Variants in GBE1 observed in about 807,000 individuals in gnomAD.
The protein encoded by GBE1 is 1,4-alpha-glucan branching enzyme 1.
GBE1 carries 70 observed loss-of-function variants against 88.8 expected under a neutral mutation model. The observed-to-expected ratio is 0.79, with a 90% confidence interval of 0.65 to 0.96. GBE1 has a LOEUF of 0.96. Ranked by LOEUF, GBE1 falls within the 40% of genes least tolerant of loss-of-function variation. The pLI is 0.00. For missense variants in GBE1, 872 were observed against 871.0 expected, an observed-to-expected ratio of 1.00 and a Z score of -0.01; for synonymous variants, 284 against 300.1, an observed-to-expected ratio of 0.95 and a Z score of 0.56.
At chr3:81,547,114 T>G (rs1703215680) in intron 12 of GBE1, among the ~76,000 whole-genome samples, 1 of 151,508 alleles carries the variant, frequency 6.6e-6, no homozygotes, top group Non-Finnish European at 1.5e-5. Context: ...TTTCGGCACG[T>G]GGGGTGCATA....
At chr3:81,497,008 C>G (rs1576120076) in intron 15 of GBE1, among the ~76,000 whole-genome samples, 1 of 152,276 alleles carries the variant, frequency 6.6e-6, no homozygotes, top group Middle Eastern at 3.4e-3. Flanking sequence ...CATGTCCTTG[C>G]AGTGCTGTCC....
chr3:81,570,781 C>G (rs143971463), intron 12 of GBE1, among the ~76,000 whole-genome samples: 379 of 152,192 alleles, frequency 2.5e-3, no homozygotes, highest in Non-Finnish European at 3.8e-3. Context: ...AATTGGAACA[C>G]CACTAGTTCT....
At chr3:81,493,277 C>G (rs375078834) in intron 15 of GBE1, among the ~76,000 whole-genome samples, 20 of 152,040 alleles carry the variant, frequency 1.3e-4, no homozygotes, top group African/African-American at 4.3e-4. Flanking sequence ...CTGATAAGTC[C>G]AAGGTTCCTG....
intron 3 of GBE1, among the ~76,000 whole-genome samples, chr3:81,666,810 A>G (rs1705119466): frequency 6.6e-6 from 1 of 152,212 alleles, no homozygotes; most frequent in South Asian, 2.1e-4. Flanking sequence ...ACTCTAAATT[A>G]TGTGTTTATT....
intron 12 of GBE1, among the ~76,000 whole-genome samples, chr3:81,537,591 C>G (rs35259664): frequency 0.22 from 33,440 of 151,836 alleles, 3,969 homozygotes; most frequent in East Asian, 0.41. Context: ...GAGACTTGCC[C>G]AACTTCACAT....
At chr3:81,707,276 C>T (rs911486609) in intron 1 of GBE1, among the ~76,000 whole-genome samples, 1 of 151,878 alleles carries the variant, frequency 6.6e-6, no homozygotes, top group African/African-American at 2.4e-5. Context: ...AAGCCAACTC[C>T]ACACAATTCT....
intron 7 of GBE1, among the ~76,000 whole-genome samples, chr3:81,599,388 C>A (rs748015633): frequency 1.1e-4 from 17 of 151,768 alleles, no homozygotes; most frequent in African/African-American, 4.1e-4. Context: ...GGCTATTAGT[C>A]GGATAGGATG....
intron 7 of GBE1, among the ~76,000 whole-genome samples, chr3:81,594,939 C>T (rs970878351): frequency 1.3e-5 from 2 of 151,798 alleles, no homozygotes; most frequent in African/African-American, 4.8e-5. Flanking sequence ...GTACACAAAT[C>T]TTTACCCCAG....
chr3:81,565,754 A>C (rs1030476848), intron 12 of GBE1, among the ~76,000 whole-genome samples: 3 of 152,166 alleles, frequency 2.0e-5, no homozygotes, highest in African/African-American at 7.2e-5. Flanking sequence ...GAATAACATC[A>C]TGATAATAAG....
intron 2 of GBE1, among the ~76,000 whole-genome samples, chr3:81,688,232 C>G (rs1705467290): frequency 6.6e-6 from 1 of 152,230 alleles, no homozygotes; most frequent in Non-Finnish European, 1.5e-5. Flanking sequence ...GTAGCCTAAA[C>G]CTACATCTAC....
intron 7 of GBE1, among the ~76,000 whole-genome samples, chr3:81,595,407 T>C (rs1703944077): frequency 6.6e-6 from 1 of 151,856 alleles, no homozygotes; most frequent in African/African-American, 2.4e-5. Flanking sequence ...TAAATTTTAT[T>C]TTTCAGAGTT....
chr3:81,518,537 G>A (rs1307073496), intron 14 of GBE1, among the ~76,000 whole-genome samples: 1 of 151,328 alleles, frequency 6.6e-6, no homozygotes, highest in Non-Finnish European at 1.5e-5. Context: ...TAATTCCTGG[G>A]TAGAGAAATG....
intron 7 of GBE1, among the ~76,000 whole-genome samples, chr3:81,596,242 T>G (rs1022789915): frequency 6.6e-6 from 1 of 151,858 alleles, no homozygotes; most frequent in South Asian, 2.1e-4. Flanking sequence ...TAGCAGCAAG[T>G]GCAAAGCAAA....
At chr3:81,599,481 C>T (rs1193017388) in intron 7 of GBE1, among the ~76,000 whole-genome samples, 2 of 152,174 alleles carry the variant, frequency 1.3e-5, no homozygotes, top group East Asian at 3.8e-4. Flanking sequence ...CCTACTACTA[C>T]ACACCTAGGC....
At position 81,761,381 on chromosome 3, in the gene GBE1, T is replaced by G; in HGVS notation, c.137A>C (p.Gln46Pro). The G allele has an allele frequency of 6.2e-7, 1 of 1,607,688 alleles. No homozygotes were observed. Among genetic ancestry groups the G allele is most frequent in the East Asian group, 2.3e-5 (1 of 44,320 alleles). The change falls in exon 1 of 16, where the codon CAG (glutamine) becomes CCG (proline). Residue 46 changes from glutamine (Q) to proline (P), a missense_variant. By Grantham distance (76) the Gln-to-Pro change is moderately conservative. Coordinates refer to ENST00000429644, the MANE Select transcript of GBE1 (RefSeq NM_000158.4). ...GGTGGGATTCCGGCGGTACCTGCGCTGGAAGTCCACGGCGTAGGGCTTCAA... is the reference window on the plus strand; with the variant it reads ...GGTGGGATTCCGGCGGTACCTGCGCGGGAAGTCCACGGCGTAGGGCTTCAA... Reference protein sequence around the residue: ...PYLKPYAVDFQRRYKQFSQIL... With the variant: ...PYLKPYAVDFPRRYKQFSQIL...
chr3:81,534,447 G>T (rs12637192), intron 14 of GBE1, among the ~76,000 whole-genome samples: 14,399 of 151,872 alleles, frequency 0.095, 962 homozygotes, highest in East Asian at 0.37. Context: ...TCAGTAAATA[G>T]GTACTCAGTA....
chr3:81,618,320 A>G (rs896641195), intron 7 of GBE1, among the ~76,000 whole-genome samples: 2 of 152,118 alleles, frequency 1.3e-5, no homozygotes, highest in African/African-American at 4.8e-5. Context: ...CAGCCTTAGA[A>G]TAGATTACCT....
At chr3:81,722,915 T>TATATATATACAC (rs1347664692) in intron 1 of GBE1, among the ~76,000 whole-genome samples, 4 of 145,466 alleles carry the variant, frequency 2.7e-5, no homozygotes, top group African/African-American at 1.0e-4. Flanking sequence ...TATATATATA[T>TATATATATACAC]ACACACAAGT....
intron 7 of GBE1, among the ~76,000 whole-genome samples, chr3:81,620,598 A>G (rs1453705977): frequency 1.3e-5 from 2 of 152,198 alleles, no homozygotes; most frequent in Non-Finnish European, 2.9e-5. Context: ...AGCATATGCT[A>G]TGGAAATAAA....
Sources: gnomAD v4.1 joint callset for allele counts (sites outside exome capture counted in the v4.1 genomes callset) on GRCh38, gnomAD v4.1.1 for gene constraint, MANE v1.5 for transcripts, NCBI Gene and HGNC (gene_info 2026-07-23, HGNC 2026-07-21) for gene names.